Variants in DCC observed in about 807,000 individuals in gnomAD.
DCC encodes the protein DCC netrin 1 receptor, also known as netrin receptor DCC.
In DCC, 58 loss-of-function variants were observed where a neutral mutation model predicts 172.5. The ratio of observed to expected loss-of-function variants is 0.34; its 90% confidence interval spans 0.27 to 0.42. The LOEUF is 0.42. Among genes scored for constraint, DCC ranks in the 10% least tolerant of loss-of-function variants. The probability of loss-of-function intolerance (pLI) is 1.00; values close to 1 mark genes in which losing one functional copy is unlikely to be tolerated. For missense variants in DCC, 1,740 were observed against 1,791.0 expected (o/e 0.97, Z 0.51); for synonymous variants, 709 against 644.5 (o/e 1.10, Z -1.52).
At chr18:53,435,922 T>C (rs1911912362) in intron 22 of DCC, among the ~76,000 whole-genome samples, 1 of 152,222 alleles carries the variant, frequency 6.6e-6, no homozygotes, top group Admixed American at 6.5e-5. Flanking sequence ...AATGTATGTA[T>C]GAGGCCATGT....
Position 53,526,682 on chromosome 18 carries a change from C to A in DCC, c.4177C>A (p.Pro1393Thr). The change falls in exon 28 of 29, where the codon CCT becomes ACT. Residue 1393 changes from proline to threonine, a missense_variant. Pro to Thr is a conservative substitution (Grantham distance 38, BLOSUM62 -1). Around this residue, in one of 2 missense-constraint regions of DCC, gnomAD observed 1,732 missense variants for 1,767.4 expected, o/e 0.98. Transcript: ENST00000442544. ...TGGGTTGGCTGGAAAAGCAAGATCCCCTTTGCTTCCTGTGTCTGTGCCAAC... is the reference window on the plus strand; with the variant it reads ...TGGGTTGGCTGGAAAAGCAAGATCCACTTTGCTTCCTGTGTCTGTGCCAAC... The part of the protein sequence containing the change: ...SLGLAGKARS[P>T]LLPVSVPTAP... 1.9e-6 allele frequency: 3 copies of A among 1,613,488 alleles called. No individual in the cohort carries two copies. The highest frequency in any genetic ancestry group is 2.5e-6 in the Non-Finnish European group (3 of 1,179,650).
chr18:52,615,136 C>T (rs1283875172), intron 1 of DCC, among the ~76,000 whole-genome samples: 1 of 152,130 alleles, frequency 6.6e-6, no homozygotes, highest in East Asian at 1.9e-4. Flanking sequence ...TGAGTAAAAG[C>T]ATCATTTTCC....
chr18:52,824,484 C>CTG (rs2145279962), intron 2 of DCC, among the ~76,000 whole-genome samples: 1 of 152,100 alleles, frequency 6.6e-6, no homozygotes, highest in South Asian at 2.1e-4. Context: ...GGCTTTAAAT[C>CTG]TGTATTCATA....
chr18:52,479,034 A>G (rs1989176072), intron 1 of DCC, among the ~76,000 whole-genome samples: 1 of 152,206 alleles, frequency 6.6e-6, no homozygotes, highest in African/African-American at 2.4e-5. Flanking sequence ...GTTCACCTTT[A>G]CCACCTGAGA....
intron 5 of DCC, among the ~76,000 whole-genome samples, chr18:52,936,100 G>A (rs73458984): frequency 0.05 from 7,662 of 152,188 alleles, 267 homozygotes; most frequent in South Asian, 0.14. Context: ...GGATACAGGT[G>A]TGTAATATAA....
chr18:53,279,672 C>T (rs574934132), intron 12 of DCC, among the ~76,000 whole-genome samples: 3 of 147,792 alleles, frequency 2.0e-5, no homozygotes, highest in Admixed American at 1.4e-4. Context: ...AAACCTGTGA[C>T]TTAAACTAGG....
chr18:52,805,524 G>A (rs1202547558), intron 2 of DCC, among the ~76,000 whole-genome samples: 2 of 152,196 alleles, frequency 1.3e-5, no homozygotes, highest in African/African-American at 2.4e-5. Context: ...GTAGGATGAG[G>A]TGAGGATATA....
chr18:53,205,221 G>C lies in DCC; in HGVS notation c.1579G>C (p.Val527Leu). The change falls in exon 10 of 29, where the codon GTT becomes CTT. Residue 527 changes from valine (V) to leucine (L), a missense_variant. Val to Leu is a conservative substitution (Grantham distance 32). Coordinates refer to ENST00000442544, the MANE Select transcript of DCC (RefSeq NM_005215.4). ...IKVATQPELQ[V>L]PGPVENLQAV... ...TTTATTATTTTTTTATACAGTGCAA[G>C]TTCCAGGGCCAGTAGAAAACCTGCA... 1 of 1,612,740 alleles carries C rather than the reference G, an allele frequency of 6.2e-7. No individual in the cohort carries two copies. Among genetic ancestry groups the C allele is most frequent in the Non-Finnish European group, 8.5e-7 (1 of 1,178,886 alleles).
intron 5 of DCC, among the ~76,000 whole-genome samples, chr18:53,053,675 A>G (rs1312087523): frequency 6.6e-6 from 1 of 152,154 alleles, no homozygotes; most frequent in Non-Finnish European, 1.5e-5. Context: ...TCAAATACCA[A>G]CAGGGAATAC....
chr18:52,882,255 G>T (rs1223967902), intron 2 of DCC, among the ~76,000 whole-genome samples: 4 of 149,434 alleles, frequency 2.7e-5, no homozygotes, highest in Non-Finnish European at 4.5e-5. Flanking sequence ...GGTTCGACTT[G>T]CCCTTTCTTT....
intron 19 of DCC, among the ~76,000 whole-genome samples, chr18:53,403,163 TA>T (rs1909436522): frequency 1.3e-5 from 2 of 152,186 alleles, no homozygotes; most frequent in South Asian, 2.1e-4. Context: ...TCAATTAGAA[TA>T]GACCTTTTTG....
chr18:52,741,026 G>A (rs966794699), intron 1 of DCC, among the ~76,000 whole-genome samples: 5 of 152,154 alleles, frequency 3.3e-5, no homozygotes, highest in African/African-American at 4.8e-5. Context: ...GAAGGCTAAC[G>A]AGGGGCAGAT....
intron 15 of DCC, among the ~76,000 whole-genome samples, chr18:53,384,974 A>G (rs182655490): frequency 0.28 from 40,535 of 144,732 alleles, 6,094 homozygotes; most frequent in East Asian, 0.5. Context: ...CAGCTTCCCG[A>G]GTAGCTGGGA....
intron 2 of DCC, among the ~76,000 whole-genome samples, chr18:52,792,181 C>G (rs569326374): frequency 7.9e-5 from 12 of 151,566 alleles, no homozygotes; most frequent in Admixed American, 4.6e-4. Context: ...GAGAGTGATG[C>G]TCACTGTGGG....
intron 22 of DCC, among the ~76,000 whole-genome samples, chr18:53,437,450 C>T (rs1333808426): frequency 3.3e-5 from 5 of 151,640 alleles, no homozygotes; most frequent in Admixed American, 6.6e-5. Context: ...AGTGGTGGCA[C>T]GCACCTGTAG....
chr18:52,388,632 A>C (rs1382386196), intron 1 of DCC, among the ~76,000 whole-genome samples: 2 of 151,366 alleles, frequency 1.3e-5, no homozygotes, highest in Admixed American at 1.3e-4. Context: ...TATTTGGGCC[A>C]TCAACTTTCT....
At chr18:52,811,631 G>A (rs2038201851) in intron 2 of DCC, among the ~76,000 whole-genome samples, 1 of 152,044 alleles carries the variant, frequency 6.6e-6, no homozygotes, top group African/African-American at 2.4e-5. Context: ...AACAATTTTA[G>A]TACTACAAAC....
chr18:52,771,107 C>T (rs1039565790), intron 2 of DCC, among the ~76,000 whole-genome samples: 2 of 152,142 alleles, frequency 1.3e-5, no homozygotes, highest in East Asian at 1.9e-4. Flanking sequence ...ACGTTCATGC[C>T]TCACTGGGCC....
chr18:52,882,217 A>G (rs555534697), intron 2 of DCC, among the ~76,000 whole-genome samples: 3 of 149,544 alleles, frequency 2.0e-5, no homozygotes, highest in African/African-American at 7.2e-5. Flanking sequence ...TTACAAATAT[A>G]AGATTATTTC....
Sources: gnomAD v4.1 joint callset for allele counts (sites outside exome capture counted in the v4.1 genomes callset) on GRCh38, gnomAD v4.1.1 for gene constraint, gnomAD v4.1.1 regional missense constraint, MANE v1.5 for transcripts, NCBI Gene and HGNC (gene_info 2026-07-23, HGNC 2026-07-21) for gene names.